PUM2: variants seen among roughly 807,000 people sequenced by gnomAD.
PUM2 encodes pumilio RNA binding family member 2.
PUM2 carries 57 observed loss-of-function variants against 124.5 expected under a neutral mutation model. The ratio of observed to expected loss-of-function variants is 0.46; its 90% CI spans 0.37 to 0.57. The LOEUF (loss-of-function observed/expected upper bound fraction) is 0.57, where lower values mean the gene tolerates loss of function less well. Ranked by LOEUF, PUM2 falls within the 20% of genes least tolerant of loss-of-function variation. The probability of loss-of-function intolerance (pLI) is 0.00; values close to 1 mark genes in which losing one functional copy is unlikely to be tolerated. For missense variants in PUM2, 1,065 were observed against 1,290.6 expected, an observed-to-expected ratio of 0.83 and a Z score of 2.68; for synonymous variants, 460 against 446.1, an observed-to-expected ratio of 1.03 and a Z score of -0.39.
At chr2:20,347,383 AG>A (rs376391082) in intron 1 of PUM2, among the ~76,000 whole-genome samples, 12 of 152,334 alleles carry the variant, frequency 7.9e-5, no homozygotes, top group African/African-American at 2.6e-4. Flanking sequence ...AAAGTCACTA[AG>A]GAAAAAAAAC....
intron 13 of PUM2, among the ~76,000 whole-genome samples, chr2:20,264,358 AAAAAAAAAAATATATATATAT>A (rs1449814202): frequency 2.4e-5 from 2 of 84,288 alleles, no homozygotes; most frequent in African/African-American, 9.7e-5. Context: ...AAAAAAAAAA[AAAAAAAAAAATATATATATAT>A]ATATATATAT....
rs892512568 is a variant in PUM2 at position 20,305,659 on chromosome 2, CTT to C, written c.883+2317_883+2318del. Among the ~76,000 whole-genome samples, 141 of 151,914 alleles carry C rather than the reference CTT, an allele frequency of 9.3e-4. 2 individuals carry two copies. Among genetic ancestry groups the C allele is most frequent in the African/African-American group, 3.3e-3 (136 of 41,464 alleles). On this transcript the variant is annotated intron_variant, in intron 7 of 20. Coordinates refer to ENST00000361078, the MANE Select transcript of PUM2 (RefSeq NM_015317.5). The stretch of plus-strand genomic sequence containing the variant: ...AAAGAAATAATTATTATATACAAGT[CTT>C]TTTTATTCCAAGAATGGGAAGACGA...
intron 10 of PUM2, among the ~76,000 whole-genome samples, chr2:20,289,025 G>A (rs551992984): frequency 1.3e-5 from 2 of 152,268 alleles, no homozygotes; most frequent in Admixed American, 1.3e-4. Context: ...GGGCGTGGTG[G>A]CTCACATCTG....
At chr2:20,336,790 GT>G (rs1558676365) in intron 1 of PUM2, among the ~76,000 whole-genome samples, 6 of 118,146 alleles carry the variant, frequency 5.1e-5, no homozygotes, top group South Asian at 2.6e-4. Flanking sequence ...GTGTGTGTGT[GT>G]GTGTGTGTGT....
rs1398610670 is a variant in PUM2 at position 20,294,530 on chromosome 2, A to AC, written c.1010-13dup. 6.3e-7 allele frequency: 1 copy of AC among 1,581,090 alleles called. No individual in the cohort carries two copies. Among genetic ancestry groups the AC allele is most frequent in the Non-Finnish European group, 8.6e-7 (1 of 1,164,112 alleles). ...AACCACTGCTGGACCTAAACCCCAC[A>AC]CCCGACCCCCGAATAAAAAGTTACT... On this transcript the variant is annotated splice_polypyrimidine_tract_variant and intron_variant, in intron 8 of 20. Coordinates refer to ENST00000361078, the MANE Select transcript of PUM2 (RefSeq NM_015317.5).
chr2:20,339,808 A>T (rs1054611895), intron 1 of PUM2, among the ~76,000 whole-genome samples: 1 of 152,202 alleles, frequency 6.6e-6, no homozygotes, highest in Non-Finnish European at 1.5e-5. Context: ...TGAACCTGAA[A>T]GGCGGAGGTT....
intron 1 of PUM2, among the ~76,000 whole-genome samples, chr2:20,338,577 T>A (rs1270243517): frequency 1.3e-5 from 2 of 152,186 alleles, no homozygotes; most frequent in African/African-American, 4.8e-5. Context: ...CTAATACATC[T>A]TGCCCACTAA....
intron 10 of PUM2, among the ~76,000 whole-genome samples, chr2:20,286,061 A>G (rs1672650311): frequency 6.6e-6 from 1 of 152,226 alleles, no homozygotes; most frequent in Non-Finnish European, 1.5e-5. Flanking sequence ...ACAAGGGGCC[A>G]GATCCTTACA....
At chr2:20,254,380 C>G (rs766782995) in intron 19 of PUM2, among the ~76,000 whole-genome samples, 1 of 152,114 alleles carries the variant, frequency 6.6e-6, no homozygotes, top group Non-Finnish European at 1.5e-5. Context: ...ATCTCGAATT[C>G]CTGGGCTCGA....
intron 2 of PUM2, among the ~76,000 whole-genome samples, chr2:20,323,232 A>G (rs1380178048): frequency 6.6e-6 from 1 of 152,124 alleles, no homozygotes; most frequent in Non-Finnish European, 1.5e-5. Flanking sequence ...GCGGACCACG[A>G]GGTCAGGAAA....
intron 1 of PUM2, among the ~76,000 whole-genome samples, chr2:20,335,540 C>T (rs904981740): frequency 2.0e-5 from 3 of 152,134 alleles, no homozygotes; most frequent in African/African-American, 7.2e-5. Context: ...TTTTCAGTGA[C>T]GAACAAGTCA....
At chr2:20,311,770 A>T in intron 4 of PUM2, 107 bp from the exon 5 acceptor site, 2 of 1,144,110 alleles carry the variant, frequency 1.7e-6, no homozygotes, top group Non-Finnish European at 2.4e-6. Context: ...CAATAAAAGC[A>T]TTGAATCTTA....
chr2:20,258,210 T>C, intron 16 of PUM2, 33 bp downstream of exon 16: 1 of 1,527,332 alleles, frequency 6.5e-7, no homozygotes, highest in Non-Finnish European at 8.8e-7. Context: ...TTGAATAAAA[T>C]AATACAAAAA....
chr2:20,278,921 AT>A, intron 12 of PUM2, 102 bp from the exon 13 acceptor site: 1 of 824,874 alleles, frequency 1.2e-6, no homozygotes. Context: ...CACAATAATT[AT>A]TTTTAGAAAC....
In PUM2 at chr2:20,256,183, G is replaced by C. The variant is rs1361114847; in HGVS notation, c.2485-13C>G. The C allele has an allele frequency of 1.3e-6, 2 of 1,569,718 alleles. No individual in the cohort carries two copies. Among genetic ancestry groups the C allele is most frequent in the Non-Finnish European group, 8.6e-7 (1 of 1,165,294 alleles). On this transcript the variant is annotated splice_polypyrimidine_tract_variant and intron_variant, in intron 16 of 20. Coordinates refer to ENST00000361078, the MANE Select transcript of PUM2 (RefSeq NM_015317.5). ...TTACCATTTCACTCTGCAAAAGACA[G>C]GATGTCATTTAAATTATTACCTCAA...
Position 20,311,606 on chromosome 2 carries a change from A to T in PUM2, c.406T>A (p.Ser136Thr). ...CTGTTTTGGTCCTCCTCAAATGGAGAAGCCTTGCCTTTTTGATCTCCTTTC... is the reference window on the plus strand; with the variant it reads ...CTGTTTTGGTCCTCCTCAAATGGAGTAGCCTTGCCTTTTTGATCTCCTTTC... ...PEKGDQKGKA[S>T]PFEEDQNRDL... The change falls in exon 5 of 21, where the codon TCT (serine) becomes ACT (threonine). Residue 136 changes from serine (S) to threonine (T), a missense_variant. Transcript: ENST00000361078. 5 of 1,613,552 alleles carry T rather than the reference A, an allele frequency of 3.1e-6. No homozygotes were observed. Among genetic ancestry groups the T allele is most frequent in the Non-Finnish European group, 3.4e-6 (4 of 1,179,658 alleles).
At chr2:20,265,577 TATC>T (rs1667461966) in intron 13 of PUM2, among the ~76,000 whole-genome samples, 1 of 152,186 alleles carries the variant, frequency 6.6e-6, no homozygotes, top group Non-Finnish European at 1.5e-5. Flanking sequence ...GTGCTTTGCT[TATC>T]ATTTCAATTT....
At chr2:20,293,083 T>C (rs1674612956) in intron 9 of PUM2, among the ~76,000 whole-genome samples, 1 of 152,190 alleles carries the variant, frequency 6.6e-6, no homozygotes, top group African/African-American at 2.4e-5. Context: ...AAGCTGCTTT[T>C]AAACATATTT....
At chr2:20,319,249 A>G (rs897956212) in intron 2 of PUM2, among the ~76,000 whole-genome samples, 27 of 152,226 alleles carry the variant, frequency 1.8e-4, no homozygotes, top group Admixed American at 5.2e-4. Context: ...TGTTGATACA[A>G]TCATTCACTG....
Sources: gnomAD v4.1 joint callset for allele counts (sites outside exome capture counted in the v4.1 genomes callset) on GRCh38, gnomAD v4.1.1 for gene constraint, MANE v1.5 for transcripts, NCBI Gene and HGNC (gene_info 2026-07-23, HGNC 2026-07-21) for gene names.